Variants in PRKN observed in about 807,000 individuals in gnomAD.
PRKN encodes the protein parkin RBR E3 ubiquitin protein ligase, also known as E3 ubiquitin-protein ligase parkin.
Under a neutral mutation model 59.5 loss-of-function variants are expected in PRKN, and 56 were observed. That is an observed-to-expected ratio of 0.94 (90% confidence interval 0.76 to 1.18). The LOEUF (loss-of-function observed/expected upper bound fraction) is 1.18. PRKN is among the 50% of genes most tolerant of loss of function. The probability of loss-of-function intolerance (pLI) is 0.00; values close to 1 mark genes in which losing one functional copy is unlikely to be tolerated. For synonymous variants in PRKN, 250 were observed against 222.1 expected, an observed-to-expected ratio of 1.13 and a Z score of -1.12; for missense variants, 657 against 596.4, an observed-to-expected ratio of 1.10 and a Z score of -1.06.
chr6:162,603,741 A>C (rs984667970), intron 1 of PRKN, among the ~76,000 whole-genome samples: 5 of 152,176 alleles, frequency 3.3e-5, no homozygotes, highest in Non-Finnish European at 5.9e-5. Flanking sequence ...TATAAAATTC[A>C]TGAGCTGCTT....
Position 161,545,527 on chromosome 6 carries a change from C to A in PRKN, c.1083+3327G>T. 1 of 945,048 alleles carries A rather than the reference C, an allele frequency of 1.1e-6. No homozygotes were observed. The highest frequency in any genetic ancestry group is 1.7e-6 in the Non-Finnish European group (1 of 586,332). The allele number at this position is 945,048 out of a possible 1,614,324, so 58.5% of individuals were successfully genotyped here. ...TACTTCTGAAATGACATAATCTAAC[C>A]ACAATTTCTTCCAGACAATGGCTTT... On this transcript the variant is annotated intron_variant, in intron 9 of 11. Transcript: ENST00000366898. The surrounding 1 kb of genome is among the most constrained non-coding windows in gnomAD (Gnocchi z 4.1).
intron 6 of PRKN, among the ~76,000 whole-genome samples, chr6:161,923,345 T>C (rs760342411): frequency 6.6e-6 from 1 of 152,140 alleles, no homozygotes; most frequent in Admixed American, 6.5e-5. Flanking sequence ...TAACTGGGCA[T>C]GGTGGCACAC....
Position 161,471,922 on chromosome 6 carries a change from C to A in PRKN, c.1083+76932G>T, listed in dbSNP as rs904337414. Among the ~76,000 whole-genome samples the A allele has an allele frequency of 2.6e-5, 4 of 151,862 alleles. No homozygotes were observed. Among genetic ancestry groups the A allele is most frequent in the African/African-American group, 9.7e-5 (4 of 41,336 alleles). ...TTTGCTATGTGGTGGCAAGACCTCA[C>A]CTGGAATCTGTTTAATTTCAATACC... On this transcript the variant is annotated intron_variant, in intron 9 of 11. Coordinates refer to ENST00000366898, the MANE Select transcript of PRKN (RefSeq NM_004562.3). The surrounding 1 kb of genome is among the most constrained non-coding windows in gnomAD (Gnocchi z 4.5).
intron 1 of PRKN, among the ~76,000 whole-genome samples, chr6:162,723,494 G>C (rs955381474): frequency 6.6e-5 from 10 of 152,130 alleles, no homozygotes; most frequent in Non-Finnish European, 1.2e-4. Flanking sequence ...GGAGATCCAG[G>C]AGGCGTTCTG....
intron 9 of PRKN, among the ~76,000 whole-genome samples, chr6:161,452,043 C>A (rs995276370): frequency 2.0e-5 from 3 of 151,892 alleles, no homozygotes; most frequent in East Asian, 3.9e-4. Context: ...GCACCCTCCC[C>A]CTCCCGGGTT....
At chr6:161,956,599 A>G (rs1321581777) in intron 6 of PRKN, among the ~76,000 whole-genome samples, 1 of 152,210 alleles carries the variant, frequency 6.6e-6, no homozygotes, top group Admixed American at 6.5e-5. Flanking sequence ...CCATCCATCT[A>G]TAATTTAGTA....
chr6:162,226,259 C>T (rs2128083692), intron 3 of PRKN, among the ~76,000 whole-genome samples: 1 of 151,994 alleles, frequency 6.6e-6, no homozygotes, highest in South Asian at 2.1e-4. Context: ...AAGACAGAGG[C>T]AGAGACAGAT....
chr6:162,055,809 AG>A (rs1414755976), intron 4 of PRKN, among the ~76,000 whole-genome samples: 1 of 152,108 alleles, frequency 6.6e-6, no homozygotes, highest in African/African-American at 2.4e-5. Flanking sequence ...GAACCAGTGT[AG>A]AGCCGCCCTG....
At chr6:161,508,616 G>T (rs543258169) in intron 9 of PRKN, among the ~76,000 whole-genome samples, 1 of 151,956 alleles carries the variant, frequency 6.6e-6, no homozygotes, top group South Asian at 2.1e-4. Flanking sequence ...TAATAAATCC[G>T]CCCTGAGCTC....
At chr6:162,725,771 G>GAAAAA (rs34045483) in intron 1 of PRKN, among the ~76,000 whole-genome samples, 2 of 130,512 alleles carry the variant, frequency 1.5e-5, no homozygotes, top group Non-Finnish European at 1.7e-5. Flanking sequence ...TCAAAAAGAG[G>GAAAAA]AAAAAAAAAA....
chr6:162,693,014 T>C (rs1777837988), intron 1 of PRKN, among the ~76,000 whole-genome samples: 2 of 152,082 alleles, frequency 1.3e-5, no homozygotes, highest in Admixed American at 6.6e-5. Flanking sequence ...TCAGCAGAAA[T>C]AAATGCACAG....
At chr6:161,398,396 A>G (rs1260304018) in intron 9 of PRKN, among the ~76,000 whole-genome samples, 2 of 152,136 alleles carry the variant, frequency 1.3e-5, no homozygotes, top group Non-Finnish European at 2.9e-5. Flanking sequence ...CACCATCAGC[A>G]TCACCCAGGA....
At chr6:162,066,773 C>A (rs1407993895) in intron 4 of PRKN, among the ~76,000 whole-genome samples, 1 of 152,132 alleles carries the variant, frequency 6.6e-6, no homozygotes, top group Non-Finnish European at 1.5e-5. Flanking sequence ...TATAGCAGCA[C>A]AAAAAGAACT....
At chr6:161,802,647 G>A (rs1562695390) in intron 6 of PRKN, among the ~76,000 whole-genome samples, 1 of 152,086 alleles carries the variant, frequency 6.6e-6, no homozygotes. Flanking sequence ...ACCACCACCT[G>A]CTCATGTAAA....
chr6:161,348,456 C>T lies in PRKN; in HGVS notation c.*1643G>A. 4.5e-6 allele frequency: 1 copy of T among 221,804 alleles called. No individual in the cohort carries two copies. Among genetic ancestry groups the T allele is most frequent in the Non-Finnish European group, 9.0e-6 (1 of 110,878 alleles). The allele number at this position is 221,804 out of a possible 1,614,324, so 13.7% of individuals were successfully genotyped here. Reference sequence around the variant, plus strand: ...TTTCAGACAGTGAAGCCACATGAAGCTGTGAATGCTGATGTGGCTGCTGCA... The same window carrying T: ...TTTCAGACAGTGAAGCCACATGAAGTTGTGAATGCTGATGTGGCTGCTGCA... On this transcript the variant is annotated 3_prime_UTR_variant, in exon 12 of 12. Transcript: ENST00000366898. This position sits in a 1 kb window ranked among gnomAD's most constrained non-coding sequence, Gnocchi z 4.9.
At chr6:162,601,467 G>T (rs764340683) in intron 1 of PRKN, among the ~76,000 whole-genome samples, 3 of 152,138 alleles carry the variant, frequency 2.0e-5, no homozygotes, top group Non-Finnish European at 4.4e-5. Flanking sequence ...TGTATAATTA[G>T]TTCGTTCCTC....
intron 2 of PRKN, among the ~76,000 whole-genome samples, chr6:162,301,705 A>T (rs1405558132): frequency 6.8e-6 from 1 of 146,132 alleles, no homozygotes; most frequent in Non-Finnish European, 1.5e-5. Flanking sequence ...GTTTAACATG[A>T]ATTGCCTTGG....
intron 7 of PRKN, among the ~76,000 whole-genome samples, chr6:161,611,433 C>T (rs1782485800): frequency 6.6e-6 from 1 of 152,226 alleles, no homozygotes; most frequent in Non-Finnish European, 1.5e-5. Flanking sequence ...TGTGTGCTCA[C>T]TTTCAGTCTC....
chr6:162,115,323 C>T (rs1228307627), intron 4 of PRKN, among the ~76,000 whole-genome samples: 8 of 140,594 alleles, frequency 5.7e-5, no homozygotes, highest in Non-Finnish European at 9.1e-5. Context: ...GGAAGGGGAA[C>T]ATCACACTCT....
Sources: allele counts gnomAD v4.1 joint callset (sites outside exome capture counted in the v4.1 genomes callset), GRCh38; gene constraint gnomAD v4.1.1; non-coding constraint Gnocchi (gnomAD v3.1); transcripts MANE v1.5; gene names NCBI Gene and HGNC (gene_info 2026-07-23, HGNC 2026-07-21).